PLEKHG1: variants seen among roughly 807,000 people sequenced by gnomAD.
The protein encoded by PLEKHG1 is pleckstrin homology domain-containing family G member 1.
A neutral mutation model predicts 100.8 loss-of-function variants in PLEKHG1; 44 were observed. The ratio of observed to expected loss-of-function variants is 0.44; its 90% CI spans 0.34 to 0.56. The LOEUF (loss-of-function observed/expected upper bound fraction) is 0.56. Among genes scored for constraint, PLEKHG1 ranks in the 20% least tolerant of loss-of-function variants. PLEKHG1 has a pLI of 0.01. For missense variants in PLEKHG1, 1,545 were observed against 1,720.9 expected, an observed-to-expected ratio of 0.90 and a Z score of 1.81; for synonymous variants, 640 against 662.5, an observed-to-expected ratio of 0.97 and a Z score of 0.52.
intron 14 of PLEKHG1, among the ~76,000 whole-genome samples, chr6:150,826,383 G>A (rs546371182): frequency 1.2e-4 from 19 of 152,214 alleles, no homozygotes; most frequent in African/African-American, 3.1e-4. Context: ...ACTTGAACCC[G>A]GGAGGTTGAG....
rs528524799 is a variant in PLEKHG1, at chr6:150,604,552, A to G, written c.-204+4535A>G. ...TTGCTGGCTCTGTTTTAAATGAACT[A>G]TTCTGTTTTGTAGTGTCCTTCCGTA... On this transcript the variant is annotated intron_variant, in intron 1 of 3. Transcript: ENST00000367326. Among the ~76,000 whole-genome samples, 5 of 152,324 alleles carry G rather than the reference A, an allele frequency of 3.3e-5. No homozygotes were observed. The South Asian group carries it at 1.0e-3, about 32-fold the overall frequency.
At chr6:150,735,715 C>T (rs906893211) in intron 2 of PLEKHG1, among the ~76,000 whole-genome samples, 1 of 152,306 alleles carries the variant, frequency 6.6e-6, no homozygotes, top group Admixed American at 6.5e-5. Flanking sequence ...TCTCAGGAAA[C>T]ATATGGTTAT....
chr6:150,623,425 C>A (rs73002188), intron 1 of PLEKHG1, among the ~76,000 whole-genome samples: 1 of 152,140 alleles, frequency 6.6e-6, no homozygotes, highest in Non-Finnish European at 1.5e-5. Context: ...TAACAAATGT[C>A]GCATGCCTTT....
At chr6:150,734,959 A>G (rs78367938) in intron 2 of PLEKHG1, among the ~76,000 whole-genome samples, 1,618 of 151,522 alleles carry the variant, frequency 0.011, 34 homozygotes, top group East Asian at 0.053. Flanking sequence ...GTAGTTAAAA[A>G]TATTACTATC....
intron 3 of PLEKHG1, among the ~76,000 whole-genome samples, chr6:150,781,651 A>G (rs1054472928): frequency 7.2e-5 from 11 of 152,208 alleles, no homozygotes; most frequent in Admixed American, 3.3e-4. Flanking sequence ...CCATCTTTCT[A>G]TAAAAGAAAA....
intron 14 of PLEKHG1, among the ~76,000 whole-genome samples, chr6:150,826,914 C>A (rs1424863557): frequency 6.6e-6 from 1 of 152,194 alleles, no homozygotes; most frequent in South Asian, 2.1e-4. Flanking sequence ...GCTGGGATTA[C>A]AGGTGTGTAT....
intron 10 of PLEKHG1, among the ~76,000 whole-genome samples, chr6:150,812,879 AAGAC>A (rs1787611734): frequency 6.6e-6 from 1 of 152,114 alleles, no homozygotes; most frequent in Non-Finnish European, 1.5e-5. Flanking sequence ...AAAAAGATGA[AAGAC>A]AGAGGAACTT....
At chr6:150,747,888 C>G (rs34126539) in intron 2 of PLEKHG1, among the ~76,000 whole-genome samples, 15,754 of 150,782 alleles carry the variant, frequency 0.1, 932 homozygotes, top group Middle Eastern at 0.17. Flanking sequence ...AAGAGCGAAA[C>G]TCCGTCTCAA....
intron 1 of PLEKHG1, among the ~76,000 whole-genome samples, chr6:150,603,791 A>G (rs1483239426): frequency 6.6e-6 from 1 of 152,236 alleles, no homozygotes; most frequent in Non-Finnish European, 1.5e-5. Context: ...ATGGAAAGCT[A>G]AATCCTGCTG....
At chr6:150,638,754 T>C (rs1178087925) in intron 2 of PLEKHG1, among the ~76,000 whole-genome samples, 1 of 152,164 alleles carries the variant, frequency 6.6e-6, no homozygotes, top group Non-Finnish European at 1.5e-5. Context: ...TATTTTATGT[T>C]CCAAAAATCA....
chr6:150,677,501 C>A (rs1041992924), intron 3 of PLEKHG1, among the ~76,000 whole-genome samples: 2 of 152,150 alleles, frequency 1.3e-5, no homozygotes, highest in African/African-American at 2.4e-5. Flanking sequence ...CATATGTCAT[C>A]CCTTCTAGGG....
chr6:150,810,753 T>C lies in PLEKHG1; in HGVS notation c.1278+1019T>C, dbSNP rs184747723. Among the ~76,000 whole-genome samples, 48 of 152,020 alleles carry C rather than the reference T, an allele frequency of 3.2e-4. No homozygotes were observed. In the East Asian group the frequency reaches 8.0e-3, roughly 25 times the overall value. Reference sequence around the variant, plus strand: ...CTGGCCAACATGGTGAATCCCCATCTCTACTACAAATACAAAAATTAGCTG... The same window carrying C: ...CTGGCCAACATGGTGAATCCCCATCCCTACTACAAATACAAAAATTAGCTG... On this transcript the variant is annotated intron_variant, in intron 10 of 15. Transcript: ENST00000358517.
chr6:150,693,874 C>T (rs1198111496), intron 3 of PLEKHG1, among the ~76,000 whole-genome samples: 2 of 152,216 alleles, frequency 1.3e-5, no homozygotes, highest in African/African-American at 2.4e-5. Context: ...CCTCGAGAGG[C>T]AGAGCAAAAT....
intron 3 of PLEKHG1, among the ~76,000 whole-genome samples, chr6:150,659,504 T>C (rs1779099507): frequency 6.6e-6 from 1 of 152,158 alleles, no homozygotes; most frequent in Non-Finnish European, 1.5e-5. Context: ...GCTAAGCTCA[T>C]TTCAGTTTAG....
chr6:150,726,363 T>C (rs1336396413), intron 1 of PLEKHG1, among the ~76,000 whole-genome samples: 1 of 152,232 alleles, frequency 6.6e-6, no homozygotes, highest in Non-Finnish European at 1.5e-5. Flanking sequence ...TAGTTTCACA[T>C]GTATACTTAT....
intron 3 of PLEKHG1, among the ~76,000 whole-genome samples, chr6:150,677,677 C>A (rs1490888598): frequency 6.6e-6 from 1 of 151,920 alleles, no homozygotes; most frequent in Non-Finnish European, 1.5e-5. Flanking sequence ...CAAGGCCAAC[C>A]TAGGCAACAT....
At chr6:150,787,030 C>CAAAAAA (rs555809522) in intron 4 of PLEKHG1, among the ~76,000 whole-genome samples, 16 of 57,636 alleles carry the variant, frequency 2.8e-4, no homozygotes, top group East Asian at 1.0e-3. Flanking sequence ...GACTCTGTCT[C>CAAAAAA]AAAAAAAAAA....
At chr6:150,681,438 G>C (rs1779928271) in intron 3 of PLEKHG1, among the ~76,000 whole-genome samples, 2 of 151,822 alleles carry the variant, frequency 1.3e-5, no homozygotes, top group Non-Finnish European at 2.9e-5. Flanking sequence ...CTTGAACCCA[G>C]GAGGCAGAGG....
At chr6:150,821,902 C>T (rs891615502) in intron 13 of PLEKHG1, among the ~76,000 whole-genome samples, 3 of 149,728 alleles carry the variant, frequency 2.0e-5, no homozygotes, top group East Asian at 2.0e-4. Flanking sequence ...AGTGCAATAG[C>T]GCGATCTCGG....
Sources: allele counts gnomAD v4.1 joint callset (sites outside exome capture counted in the v4.1 genomes callset), GRCh38; gene constraint gnomAD v4.1.1; transcripts MANE v1.5; gene names NCBI Gene and HGNC (gene_info 2026-07-23, HGNC 2026-07-21).